CSMD1: variants seen among roughly 807,000 people sequenced by gnomAD.
The protein encoded by CSMD1 is CUB and sushi domain-containing protein 1.
In CSMD1, 213 loss-of-function variants were observed where a neutral mutation model predicts 417.5. The observed-to-expected ratio is 0.51, with a 90% CI of 0.46 to 0.57. The LOEUF (loss-of-function observed/expected upper bound fraction) is 0.57. Ranked by LOEUF, CSMD1 falls within the 20% of genes least tolerant of loss-of-function variation. CSMD1 has a pLI of 0.00. For missense variants in CSMD1, 6,923 were observed against 4,529.7 expected (o/e 1.53, Z -15.17); for synonymous variants, 2,862 against 1,736.8 (o/e 1.65, Z -16.11).
chr8:3,308,609 A>C (rs1408245020), intron 23 of CSMD1, 106 bp from the exon 24 acceptor site: 5 of 777,942 alleles, frequency 6.4e-6, no homozygotes, highest in Non-Finnish European at 1.0e-5. Context: ...AAGGGTAGGG[A>C]GAAAAAAGGA....
At chr8:4,938,865 G>A (rs1205259765) in intron 1 of CSMD1, among the ~76,000 whole-genome samples, 1 of 152,164 alleles carries the variant, frequency 6.6e-6, no homozygotes, top group Non-Finnish European at 1.5e-5. Flanking sequence ...TTACTCAGTG[G>A]TTTTAATTTG....
chr8:4,609,608 T>G (rs1330294821), intron 2 of CSMD1, among the ~76,000 whole-genome samples: 1 of 152,192 alleles, frequency 6.6e-6, no homozygotes, highest in African/African-American at 2.4e-5. Context: ...TATGATCTTA[T>G]TAGCAAAATG....
chr8:4,394,093 A>T (rs1208383419), intron 3 of CSMD1, among the ~76,000 whole-genome samples: 2 of 152,184 alleles, frequency 1.3e-5, no homozygotes, highest in African/African-American at 4.8e-5. Flanking sequence ...CAATCCTCTC[A>T]GAGCACTAAC....
At chr8:3,777,724 G>A (rs1022358248) in intron 5 of CSMD1, among the ~76,000 whole-genome samples, 15 of 152,128 alleles carry the variant, frequency 9.9e-5, no homozygotes, top group Admixed American at 2.0e-4. Context: ...CAGAGTCTCA[G>A]GCCACACTCC....
intron 3 of CSMD1, among the ~76,000 whole-genome samples, chr8:4,109,401 T>G (rs1048336371): frequency 6.6e-6 from 1 of 152,108 alleles, no homozygotes; most frequent in African/African-American, 2.4e-5. Flanking sequence ...CTAGCAAAAA[T>G]AAAGAATCTT....
At chr8:4,656,751 G>A (rs933452211) in intron 1 of CSMD1, among the ~76,000 whole-genome samples, 5 of 151,946 alleles carry the variant, frequency 3.3e-5, no homozygotes, top group Admixed American at 6.6e-5. Flanking sequence ...ACTAAATGCC[G>A]CAGGAGGCAG....
At chr8:3,739,601 T>G (rs1475233398) in intron 6 of CSMD1, among the ~76,000 whole-genome samples, 1 of 152,214 alleles carries the variant, frequency 6.6e-6, no homozygotes, top group Non-Finnish European at 1.5e-5. Flanking sequence ...AACTAACACA[T>G]TAAGTCTCTC....
intron 41 of CSMD1, among the ~76,000 whole-genome samples, chr8:3,123,766 A>G (rs1817342884): frequency 6.6e-6 from 1 of 152,202 alleles, no homozygotes; most frequent in South Asian, 2.1e-4. Flanking sequence ...CAATATTAAC[A>G]AGTTAATGGT....
chr8:4,011,438 C>A (rs929945823), intron 4 of CSMD1, among the ~76,000 whole-genome samples: 1 of 152,180 alleles, frequency 6.6e-6, no homozygotes, highest in Non-Finnish European at 1.5e-5. Context: ...CACTGCAACA[C>A]GTCTCAAAGA....
intron 2 of CSMD1, among the ~76,000 whole-genome samples, chr8:4,574,054 T>G (rs1799016711): frequency 6.6e-6 from 1 of 152,168 alleles, no homozygotes; most frequent in Non-Finnish European, 1.5e-5. Flanking sequence ...CTTAGCTTGC[T>G]GGACTCCATG....
chr8:4,444,443 G>A (rs561164537), intron 2 of CSMD1, among the ~76,000 whole-genome samples: 1 of 147,506 alleles, frequency 6.8e-6, no homozygotes, highest in Non-Finnish European at 1.5e-5. Flanking sequence ...TAGATCAACA[G>A]CATGTGAGAA....
intron 7 of CSMD1, among the ~76,000 whole-genome samples, chr8:3,626,980 C>G (rs372295017): frequency 1.3e-5 from 2 of 151,190 alleles, no homozygotes; most frequent in Middle Eastern, 3.3e-3. Context: ...ATTTGTTTAC[C>G]ATAGTACGAT....
intron 56 of CSMD1, 26 bp downstream of exon 56, chr8:2,974,425 T>G: frequency 6.7e-7 from 1 of 1,502,280 alleles, no homozygotes; most frequent in South Asian, 1.3e-5. Context: ...TCTGTAATTC[T>G]GTCAGTTCAC....
At chr8:3,553,877 T>C (rs1799025521) in intron 10 of CSMD1, among the ~76,000 whole-genome samples, 1 of 152,198 alleles carries the variant, frequency 6.6e-6, no homozygotes, top group Admixed American at 6.5e-5. Flanking sequence ...CACGTACACA[T>C]ACATATCCAC....
At chr8:3,482,629 A>T (rs1817812020) in intron 11 of CSMD1, among the ~76,000 whole-genome samples, 1 of 152,242 alleles carries the variant, frequency 6.6e-6, no homozygotes, top group Non-Finnish European at 1.5e-5. Flanking sequence ...TATTCAATCA[A>T]CCAACAGGAT....
At position 3,967,284 on chromosome 8, in the gene CSMD1, T is replaced by A. The variant is rs549048235; in HGVS notation, c.818+30619A>T. On this transcript the variant is annotated intron_variant, in intron 5 of 69. Transcript: ENST00000635120. ...TTTAATTCTCTCTCTATACTGTTCT[T>A]GTTCCCTTTGTTCCTTCCCTTACAC... is the stretch of plus-strand genomic sequence containing the variant. 6.6e-3 allele frequency among the ~76,000 whole-genome samples: 1,008 copies of A among 152,248 alleles called. 9 individuals carry two copies. The highest frequency in any genetic ancestry group is 9.5e-3 in the Non-Finnish European group (643 of 68,016).
intron 23 of CSMD1, among the ~76,000 whole-genome samples, chr8:3,343,019 T>C (rs1044877360): frequency 5.3e-5 from 8 of 152,180 alleles, no homozygotes; most frequent in Admixed American, 4.6e-4. Context: ...CCAATCAATA[T>C]ATTTAAGCCC....
intron 3 of CSMD1, among the ~76,000 whole-genome samples, chr8:4,296,715 T>TC (rs71205438): frequency 2.2e-4 from 33 of 150,054 alleles, no homozygotes; most frequent in African/African-American, 4.4e-4. Flanking sequence ...TTTTTTTTTT[T>TC]CTCCAGGGCT....
At chr8:3,493,524 C>A (rs1451607703) in intron 11 of CSMD1, 99 bp downstream of exon 11, 68 of 988,102 alleles carry the variant, frequency 6.9e-5, no homozygotes, top group Non-Finnish European at 9.8e-5. Context: ...TAAGCAAACA[C>A]CTGAGGCCGA....
Sources: allele counts gnomAD v4.1 joint callset (sites outside exome capture counted in the v4.1 genomes callset), GRCh38; gene constraint gnomAD v4.1.1; transcripts MANE v1.5; gene names NCBI Gene and HGNC (gene_info 2026-07-23, HGNC 2026-07-21).